Variants in NPRL3 observed in about 807,000 individuals in gnomAD.
NPRL3 encodes the protein GATOR1 complex protein NPRL3.
A neutral mutation model predicts 57.2 loss-of-function variants in NPRL3; 23 were observed. That is an observed-to-expected ratio of 0.40 (90% CI 0.29 to 0.57). NPRL3 has a LOEUF of 0.57. Among genes scored for constraint, NPRL3 ranks in the 20% least tolerant of loss-of-function variants. The probability of loss-of-function intolerance (pLI) is 0.42; values close to 1 mark genes in which losing one functional copy is unlikely to be tolerated. For synonymous variants in NPRL3, 333 were observed against 321.1 expected, an observed-to-expected ratio of 1.04 and a Z score of -0.39; for missense variants, 691 against 767.1, an observed-to-expected ratio of 0.90 and a Z score of 1.17.
intron 5 of NPRL3, among the ~76,000 whole-genome samples, chr16:114,126 G>A (rs1899930361): frequency 6.6e-6 from 1 of 152,200 alleles, no homozygotes; most frequent in Non-Finnish European, 1.5e-5. Context: ...GCAAGGAGGA[G>A]GACAATGATC....
At chr16:137,871 T>C (rs1240263092) in intron 2 of NPRL3, among the ~76,000 whole-genome samples, 1 of 152,178 alleles carries the variant, frequency 6.6e-6, no homozygotes, top group Non-Finnish European at 1.5e-5. Context: ...TAATTTTGTA[T>C]TTTCTCATGA....
At chr16:100,659 A>C in intron 7 of NPRL3, 150 bp from the exon 8 acceptor site, 2 of 762,260 alleles carry the variant, frequency 2.6e-6, no homozygotes, top group Non-Finnish European at 3.7e-6. Flanking sequence ...TCTTAAGATC[A>C]CATTATGTTT....
chr16:97,761 C>G (rs1297268882), intron 9 of NPRL3, among the ~76,000 whole-genome samples: 1 of 152,168 alleles, frequency 6.6e-6, no homozygotes, highest in Non-Finnish European at 1.5e-5. Context: ...AAGCTTCCTG[C>G]CCTTAGTTCC....
At chr16:92,152 A>G (rs569126971) in intron 11 of NPRL3, among the ~76,000 whole-genome samples, 2 of 152,232 alleles carry the variant, frequency 1.3e-5, no homozygotes, top group African/African-American at 4.8e-5. Context: ...GGCCACCTGA[A>G]CCATGGCAGG....
chr16:114,584 C>T (rs934096962), intron 5 of NPRL3, among the ~76,000 whole-genome samples: 2 of 152,098 alleles, frequency 1.3e-5, no homozygotes, highest in Non-Finnish European at 2.9e-5. Flanking sequence ...GGAGGGGAGA[C>T]CTCTGGATTG....
At chr16:131,205 C>T (rs553087690) in intron 2 of NPRL3, among the ~76,000 whole-genome samples, 1 of 151,880 alleles carries the variant, frequency 6.6e-6, no homozygotes, top group Non-Finnish European at 1.5e-5. Flanking sequence ...CATGGCTGAG[C>T]GCGGTGGTTC....
chr16:91,856 C>G (rs1898776804), intron 11 of NPRL3, among the ~76,000 whole-genome samples: 1 of 152,262 alleles, frequency 6.6e-6, no homozygotes, highest in African/African-American at 2.4e-5. Context: ...TGGCCCTGCT[C>G]TGAGTCTCTG....
chr16:130,941 A>G (rs938466360), intron 2 of NPRL3, among the ~76,000 whole-genome samples: 2 of 152,262 alleles, frequency 1.3e-5, no homozygotes. Flanking sequence ...AAAAAGCTTT[A>G]GAAACAGATA....
intron 2 of NPRL3, among the ~76,000 whole-genome samples, chr16:134,414 G>A (rs973773093): frequency 6.6e-6 from 1 of 152,058 alleles, no homozygotes; most frequent in African/African-American, 2.4e-5. Context: ...AAAGGCCCAT[G>A]AAAACAATGG....
intron 4 of NPRL3, among the ~76,000 whole-genome samples, chr16:118,198 T>C (rs1192705947): frequency 6.6e-6 from 1 of 152,170 alleles, no homozygotes; most frequent in Non-Finnish European, 1.5e-5. Context: ...TGGATCTGTA[T>C]AAATGTAGCT....
chr16:92,841 T>C (rs549081623), intron 10 of NPRL3, 116 bp from the exon 11 acceptor site: 2 of 1,376,546 alleles, frequency 1.5e-6, no homozygotes, highest in African/African-American at 1.4e-5. Flanking sequence ...GACAGTGCGA[T>C]GAGGGCAGAA....
chr16:117,519 C>CGT (rs1231764862), intron 4 of NPRL3, 144 bp from the exon 5 acceptor site: 2 of 616,048 alleles, frequency 3.2e-6, no homozygotes, highest in Non-Finnish European at 5.7e-6. Context: ...GCTCTGGAGG[C>CGT]GTGCCTACTG....
At chr16:134,213 G>GC (rs1900945876) in intron 2 of NPRL3, among the ~76,000 whole-genome samples, 1 of 151,824 alleles carries the variant, frequency 6.6e-6, no homozygotes, top group Non-Finnish European at 1.5e-5. Context: ...AGTGAGGTAG[G>GC]CCCCTATGCA....
intron 9 of NPRL3, among the ~76,000 whole-genome samples, chr16:96,880 T>C (rs945883863): frequency 3.4e-4 from 52 of 152,240 alleles, no homozygotes; most frequent in African/African-American, 1.0e-3. Flanking sequence ...AGACTTACTC[T>C]CAAAGACAGA....
At position 103,718 on chromosome 16, in the gene NPRL3, G is replaced by A. The variant is rs34235332; in HGVS notation, c.630-3209C>T. Among the ~76,000 whole-genome samples, 1,046 of 152,276 alleles carry A rather than the reference G, an allele frequency of 6.9e-3. 4 individuals are homozygous for A. The highest frequency in any genetic ancestry group is 0.012 in the Non-Finnish European group (828 of 68,018). ...TAATTGGCCGGGCGTGGCGGCTCAC[G>A]CCTGTAATCCCAAAACCTGGGAGGC... On this transcript the variant is annotated intron_variant, in intron 7 of 13. Coordinates refer to ENST00000611875, the MANE Select transcript of NPRL3 (RefSeq NM_001077350.3).
At chr16:105,858 A>G (rs145300575) in intron 7 of NPRL3, among the ~76,000 whole-genome samples, 165 of 152,324 alleles carry the variant, frequency 1.1e-3, no homozygotes, top group Non-Finnish European at 2.1e-3. Flanking sequence ...ACTGAGGGCC[A>G]CTGGGATCCA....
intron 2 of NPRL3, 90 bp downstream of exon 2, chr16:138,060 G>T: frequency 1.1e-6 from 1 of 921,388 alleles, no homozygotes; most frequent in Non-Finnish European, 1.7e-6. Context: ...CCCAGCAAAA[G>T]CTAAGCTCCG....
intron 4 of NPRL3, among the ~76,000 whole-genome samples, chr16:117,615 A>G (rs975888352): frequency 6.6e-6 from 1 of 152,214 alleles, no homozygotes; most frequent in Non-Finnish European, 1.5e-5. Flanking sequence ...TGAGCTGACA[A>G]TGCCCACAGG....
chr16:90,208 CTGCTT>C, intron 11 of NPRL3: 1 of 380,606 alleles, frequency 2.6e-6, no homozygotes, highest in Non-Finnish European at 4.7e-6. Context: ...GCCCCTGTGA[CTGCTT>C]CGCTGAGCAA....
Sources: allele counts gnomAD v4.1 joint callset (sites outside exome capture counted in the v4.1 genomes callset), GRCh38; gene constraint gnomAD v4.1.1; transcripts MANE v1.5; gene names NCBI Gene and HGNC (gene_info 2026-07-23, HGNC 2026-07-21).